Variants in GALNT2 observed in about 807,000 individuals in gnomAD.
GALNT2 encodes the protein polypeptide N-acetylgalactosaminyltransferase 2.
Under a neutral mutation model 81.4 loss-of-function variants are expected in GALNT2, and 31 were observed. That is an observed-to-expected ratio of 0.38 (90% CI 0.29 to 0.51). The LOEUF is 0.51. Ranked by LOEUF, GALNT2 falls within the 20% of genes least tolerant of loss-of-function variation. The pLI is 0.87. For missense variants in GALNT2, 629 were observed against 765.7 expected, an observed-to-expected ratio of 0.82 and a Z score of 2.11; for synonymous variants, 303 against 287.4, an observed-to-expected ratio of 1.05 and a Z score of -0.55.
At chr1:230,237,757 G>A (rs1165392509) in intron 6 of GALNT2, among the ~76,000 whole-genome samples, 2 of 151,812 alleles carry the variant, frequency 1.3e-5, no homozygotes, top group Non-Finnish European at 2.9e-5. Context: ...GGGGCAATTT[G>A]CTGCCCCCTA....
In GALNT2 at chr1:230,265,929, C is replaced by T. The variant is rs140188255; in HGVS notation, c.1440+562C>T. 2.7e-3 allele frequency among the ~76,000 whole-genome samples: 414 copies of T among 152,330 alleles called. 4 individuals are homozygous for T. In the East Asian group the frequency reaches 0.028, roughly 10 times the overall value. ...CACAACCGCCAGGCGCCGTGGCGCA[C>T]GCCTGTAATCCCAACACTTTGGGAG... On this transcript the variant is annotated intron_variant, in intron 14 of 15. Transcript: ENST00000366672.
At position 230,122,783 on chromosome 1, in the gene GALNT2, G is replaced by T. The variant is rs576170559; in HGVS notation, c.126+55377G>T. On this transcript the variant is annotated intron_variant, in intron 1 of 15. Transcript: ENST00000366672. ...ATTTGGGATGAGCTGTGAATCTGTGGTGTATATATAGATCTCTGCACACGC... is the reference window on the plus strand; with the variant it reads ...ATTTGGGATGAGCTGTGAATCTGTGTTGTATATATAGATCTCTGCACACGC... Among the ~76,000 whole-genome samples the T allele has an allele frequency of 2.6e-5, 4 of 152,254 alleles. No individual in the cohort carries two copies. In the South Asian group the frequency reaches 8.3e-4, roughly 32 times the overall value.
At chr1:230,251,421 C>A (rs1328217639) in intron 10 of GALNT2, among the ~76,000 whole-genome samples, 2 of 152,068 alleles carry the variant, frequency 1.3e-5, no homozygotes, top group Non-Finnish European at 1.5e-5. Context: ...ACTAGCCTAG[C>A]CTATTATTTT....
At chr1:230,059,238 A>G (rs1218953305) in intron 1 of GALNT2, among the ~76,000 whole-genome samples, 2 of 152,232 alleles carry the variant, frequency 1.3e-5, no homozygotes, top group African/African-American at 2.4e-5. Context: ...GGCAGCAGAA[A>G]CGCTGAAGCT....
chr1:230,064,349 A>G (rs762503870), upstream of GALNT2, among the ~76,000 whole-genome samples: 36 of 152,344 alleles, frequency 2.4e-4, no homozygotes, highest in Admixed American at 1.2e-3. Flanking sequence ...AATGCTCTCC[A>G]TTAGTCACTC....
At chr1:230,115,540 A>G (rs867581262) in intron 1 of GALNT2, among the ~76,000 whole-genome samples, 1 of 152,276 alleles carries the variant, frequency 6.6e-6, no homozygotes, top group Middle Eastern at 3.4e-3. Flanking sequence ...GAAAAATGCT[A>G]AGGATCATCT....
rs1409888723 is a variant in GALNT2 at position 230,275,515 on chromosome 1, C to CAT, written c.1560+959_1560+960dup. Reference sequence around the variant, plus strand: ...TACACACACACACCACAGATACATACATATATATACATGCCACATAGATAT... The same window carrying CAT: ...TACACACACACACCACAGATACATACATATATATATACATGCCACATAGATAT... On this transcript the variant is annotated intron_variant, in intron 15 of 15. Coordinates refer to ENST00000366672, the MANE Select transcript of GALNT2 (RefSeq NM_004481.5). This position sits in a 1 kb window ranked among gnomAD's most constrained non-coding sequence, Gnocchi z 5.5. 2.7e-5 allele frequency among the ~76,000 whole-genome samples: 4 copies of CAT among 150,470 alleles called. No individual in the cohort carries two copies. The highest frequency in any genetic ancestry group is 1.9e-4 in the East Asian group (1 of 5,166).
At chr1:230,262,343 A>G (rs1572151748) in intron 11 of GALNT2, 1 of 496,852 alleles carries the variant, frequency 2.0e-6, no homozygotes, top group East Asian at 3.2e-5. Context: ...CTGTGTGACA[A>G]GAAAGCCATT....
At chr1:230,186,364 T>G (rs1663337487) in intron 2 of GALNT2, among the ~76,000 whole-genome samples, 1 of 152,202 alleles carries the variant, frequency 6.6e-6, no homozygotes, top group Non-Finnish European at 1.5e-5. Context: ...AATTTGTGTG[T>G]TAAGTCGGCC....
chr1:230,164,313 G>A (rs139316632), intron 1 of GALNT2, among the ~76,000 whole-genome samples: 16 of 152,282 alleles, frequency 1.1e-4, no homozygotes, highest in East Asian at 1.9e-4. Context: ...GTGATTGCCC[G>A]TACATGCACT....
chr1:230,272,969 G>T (rs1426865029), intron 14 of GALNT2, among the ~76,000 whole-genome samples: 1 of 152,012 alleles, frequency 6.6e-6, no homozygotes, highest in Non-Finnish European at 1.5e-5. Flanking sequence ...ACAAGGTCTC[G>T]CTATGTTGCC....
chr1:230,190,799 A>G (rs940537418), intron 2 of GALNT2, among the ~76,000 whole-genome samples: 2 of 152,156 alleles, frequency 1.3e-5, no homozygotes, highest in Non-Finnish European at 2.9e-5. Flanking sequence ...CTCCTATAGC[A>G]TTTTAATGGC....
chr1:230,121,948 C>CTTT lies in GALNT2; in HGVS notation c.126+54559_126+54561dup, dbSNP rs11430880. 4.4e-4 allele frequency among the ~76,000 whole-genome samples: 46 copies of CTTT among 104,008 alleles called. 2 individuals are homozygous for CTTT. Among genetic ancestry groups the CTTT allele is most frequent in the African/African-American group, 9.9e-4 (26 of 26,336 alleles). 68.2% of individuals were successfully genotyped at this position (104,008 alleles called of 152,430 possible). On this transcript the variant is annotated intron_variant, in intron 1 of 15. Coordinates refer to ENST00000366672, the MANE Select transcript of GALNT2 (RefSeq NM_004481.5). ...TGTAGTTTATTTAAATACTGTTATG[C>CTTT]TTTTTTTTTTTTTTTTTTTCAAGGG...
rs1665764605 is a variant in GALNT2 at position 230,257,947 on chromosome 1, C to T, written c.1136+2603C>T. Among the ~76,000 whole-genome samples the T allele has an allele frequency of 6.6e-6, 1 of 152,202 alleles. No individual in the cohort carries two copies. Among genetic ancestry groups the T allele is most frequent in the Non-Finnish European group, 1.5e-5 (1 of 68,042 alleles). Reference sequence around the variant, plus strand: ...GTTTTTTTCTTGAGACAGAGTCTTGCTCTGTTGCCCAGGCTGGAGTGCAAA... The same window carrying T: ...GTTTTTTTCTTGAGACAGAGTCTTGTTCTGTTGCCCAGGCTGGAGTGCAAA... On this transcript the variant is annotated intron_variant, in intron 11 of 15. Transcript: ENST00000366672. The surrounding 1 kb of genome is among the most constrained non-coding windows in gnomAD (Gnocchi z 4.6).
chr1:230,230,051 A>G (rs1664824333), intron 3 of GALNT2, among the ~76,000 whole-genome samples: 1 of 152,184 alleles, frequency 6.6e-6, no homozygotes, highest in South Asian at 2.1e-4. Context: ...TGGCAAGCAG[A>G]GTGGTACATG....
chr1:230,230,094 T>G (rs746158551), intron 3 of GALNT2, among the ~76,000 whole-genome samples: 1 of 152,212 alleles, frequency 6.6e-6, no homozygotes, highest in Non-Finnish European at 1.5e-5. Flanking sequence ...ACTTTATGCG[T>G]GAAATATTTC....
At chr1:230,111,639 A>G (rs1660707818) in intron 1 of GALNT2, among the ~76,000 whole-genome samples, 1 of 152,242 alleles carries the variant, frequency 6.6e-6, no homozygotes, top group Non-Finnish European at 1.5e-5. Context: ...GAACAGAAGT[A>G]AGTTTGCTGT....
chr1:230,254,003 A>G (rs1324345729), intron 10 of GALNT2, among the ~76,000 whole-genome samples: 2 of 152,196 alleles, frequency 1.3e-5, no homozygotes, highest in Non-Finnish European at 2.9e-5. Context: ...CATTCACAGT[A>G]ACTGTTGATT....
At chr1:230,250,988 G>A (rs1022644898) in intron 10 of GALNT2, among the ~76,000 whole-genome samples, 4 of 152,142 alleles carry the variant, frequency 2.6e-5, no homozygotes, top group Admixed American at 6.5e-5. Context: ...GGAGGCCTTG[G>A]CACTTAATCC....
Sources: allele counts gnomAD v4.1 joint callset (sites outside exome capture counted in the v4.1 genomes callset), GRCh38; gene constraint gnomAD v4.1.1; non-coding constraint Gnocchi (gnomAD v3.1); transcripts MANE v1.5; gene names NCBI Gene and HGNC (gene_info 2026-07-23, HGNC 2026-07-21).